Variants in SORCS3 observed in about 807,000 individuals in gnomAD.
SORCS3 encodes the protein VPS10 domain-containing receptor SorCS3.
Under a neutral mutation model 146.3 loss-of-function variants are expected in SORCS3, and 57 were observed. That is an observed-to-expected ratio of 0.39 (90% confidence interval 0.31 to 0.49). The LOEUF is 0.49. Ranked by LOEUF, SORCS3 falls within the 20% of genes least tolerant of loss-of-function variation. SORCS3 has a pLI of 0.92. For missense variants in SORCS3, 1,341 were observed against 1,575.5 expected, an observed-to-expected ratio of 0.85 and a Z score of 2.52; for synonymous variants, 653 against 618.5, an observed-to-expected ratio of 1.06 and a Z score of -0.83.
At chr10:104,941,744 A>G (rs2019322393) in intron 3 of SORCS3, among the ~76,000 whole-genome samples, 1 of 152,222 alleles carries the variant, frequency 6.6e-6, no homozygotes, top group Admixed American at 6.5e-5. Context: ...ATTATAGAGA[A>G]GCAAAAATGA....
intron 6 of SORCS3, 150 bp from the exon 7 acceptor site, chr10:105,105,247 A>T: frequency 1.8e-6 from 1 of 568,326 alleles, no homozygotes; most frequent in Non-Finnish European, 3.1e-6. Context: ...TTTGGGAATT[A>T]TTATAAATTC....
chr10:105,070,323 A>G (rs2055548610), intron 5 of SORCS3, among the ~76,000 whole-genome samples: 1 of 152,258 alleles, frequency 6.6e-6, no homozygotes, highest in African/African-American at 2.4e-5. Context: ...TGGTACAGCC[A>G]GGATCCAATG....
intron 20 of SORCS3, among the ~76,000 whole-genome samples, chr10:105,242,618 TTA>T (rs1230212218): frequency 5.0e-5 from 5 of 100,636 alleles, no homozygotes; most frequent in South Asian, 3.5e-4. Flanking sequence ...TTATATATAT[TTA>T]TATATATTTA....
chr10:104,891,920 C>T (rs777330954), intron 2 of SORCS3, among the ~76,000 whole-genome samples: 4 of 152,162 alleles, frequency 2.6e-5, no homozygotes, highest in South Asian at 2.1e-4. Flanking sequence ...TCTTCAAAGA[C>T]AAGATTTAAA....
intron 3 of SORCS3, among the ~76,000 whole-genome samples, chr10:104,933,568 T>C (rs1488464102): frequency 2.6e-5 from 4 of 151,978 alleles, no homozygotes; most frequent in African/African-American, 9.7e-5. Flanking sequence ...AAAATACAAG[T>C]TCTGTTAGGA....
chr10:105,168,865 A>G (rs2056336677), intron 13 of SORCS3, among the ~76,000 whole-genome samples: 1 of 152,166 alleles, frequency 6.6e-6, no homozygotes, highest in African/African-American at 2.4e-5. Context: ...TGTTGAAAAG[A>G]TGCATGGAGC....
At chr10:105,157,099 G>A (rs1221900155) in intron 9 of SORCS3, 39 bp from the exon 10 acceptor site, 2 of 1,607,762 alleles carry the variant, frequency 1.2e-6, no homozygotes, top group South Asian at 2.2e-5. Flanking sequence ...AAGGCATGTT[G>A]GCCCAGCATG....
chr10:105,187,640 G>A (rs559695274), intron 14 of SORCS3, among the ~76,000 whole-genome samples: 3 of 152,192 alleles, frequency 2.0e-5, no homozygotes, highest in Non-Finnish European at 4.4e-5. Context: ...GAAAAAGGAG[G>A]CATGGGGAGC....
chr10:105,022,601 C>T (rs375590412), intron 4 of SORCS3, among the ~76,000 whole-genome samples: 10 of 152,160 alleles, frequency 6.6e-5, no homozygotes, highest in South Asian at 4.1e-4. Context: ...TTTTTAGAAG[C>T]AATTCTCAAT....
intron 9 of SORCS3, 96 bp downstream of exon 9, chr10:105,147,892 C>G: frequency 9.8e-7 from 1 of 1,018,986 alleles, no homozygotes; most frequent in South Asian, 1.7e-5. Flanking sequence ...GGTTCAGATT[C>G]CAGCTGTACC....
intron 7 of SORCS3, among the ~76,000 whole-genome samples, chr10:105,125,885 C>A (rs1366352548): frequency 1.3e-5 from 2 of 152,070 alleles, no homozygotes; most frequent in Non-Finnish European, 2.9e-5. Flanking sequence ...TTTCAAGGTC[C>A]AGAAGCACTT....
intron 3 of SORCS3, among the ~76,000 whole-genome samples, chr10:104,955,896 A>G (rs1163897686): frequency 2.0e-5 from 3 of 152,172 alleles, no homozygotes; most frequent in Non-Finnish European, 2.9e-5. Flanking sequence ...TCTTGCCACA[A>G]AAGAGCTTAC....
At chr10:105,071,487 C>A (rs1488568985) in intron 5 of SORCS3, among the ~76,000 whole-genome samples, 2 of 152,226 alleles carry the variant, frequency 1.3e-5, no homozygotes, top group African/African-American at 4.8e-5. Context: ...TTGCTGACAT[C>A]AATTAAATGC....
intron 19 of SORCS3, chr10:105,217,881 T>C (rs1394919253): frequency 3.3e-5 from 15 of 453,976 alleles, no homozygotes; most frequent in South Asian, 6.2e-5. Context: ...GGGGCTGGGA[T>C]TGGTTTCCCA....
At chr10:104,889,454 AT>A (rs76032970) in intron 2 of SORCS3, among the ~76,000 whole-genome samples, 58,832 of 116,886 alleles carry the variant, frequency 0.5, 15,217 homozygotes, top group African/African-American at 0.79. Flanking sequence ...TTTGGATGGT[AT>A]TTTTTTTTTT....
intron 3 of SORCS3, among the ~76,000 whole-genome samples, chr10:104,941,951 A>T (rs1402458498): frequency 6.6e-6 from 1 of 152,272 alleles, no homozygotes; most frequent in African/African-American, 2.4e-5. Flanking sequence ...AGTCTGGAGT[A>T]TTGAGAAAAA....
chr10:105,038,791 A>C (rs866402398), intron 4 of SORCS3, among the ~76,000 whole-genome samples: 1 of 152,212 alleles, frequency 6.6e-6, no homozygotes, highest in Non-Finnish European at 1.5e-5. Context: ...TAATAATGTC[A>C]TGAGAATTTT....
intron 4 of SORCS3, among the ~76,000 whole-genome samples, chr10:105,016,155 A>ATATATATATATATATATATATATATT (rs71482443): frequency 2.0e-5 from 2 of 101,316 alleles, no homozygotes; most frequent in African/African-American, 9.7e-5. Context: ...ATATATATAT[A>ATATATATATATATATATATATATATT]TTTTTTTTTT....
At chr10:104,791,681 A>G (rs2017497071) in intron 1 of SORCS3, among the ~76,000 whole-genome samples, 1 of 152,162 alleles carries the variant, frequency 6.6e-6, no homozygotes, top group South Asian at 2.1e-4. Flanking sequence ...GAGCGTGGGA[A>G]TGCTGATGTC....
Sources: gnomAD v4.1 joint callset for allele counts (sites outside exome capture counted in the v4.1 genomes callset) on GRCh38, gnomAD v4.1.1 for gene constraint, MANE v1.5 for transcripts, NCBI Gene and HGNC (gene_info 2026-07-23, HGNC 2026-07-21) for gene names.